MKLN1: variants seen among roughly 807,000 people sequenced by gnomAD.
The protein encoded by MKLN1 is muskelin 1.
Under a neutral mutation model 99.0 loss-of-function variants are expected in MKLN1, and 18 were observed. The observed-to-expected ratio is 0.18, with a 90% confidence interval of 0.13 to 0.27. MKLN1 has a LOEUF of 0.27. Ranked by LOEUF, MKLN1 falls within the 10% of genes least tolerant of loss-of-function variation. The pLI, the probability that MKLN1 is intolerant of heterozygous loss-of-function variation, is 1.00. For missense variants in MKLN1, 621 were observed against 875.9 expected, an observed-to-expected ratio of 0.71 and a Z score of 3.67; for synonymous variants, 288 against 293.2, an observed-to-expected ratio of 0.98 and a Z score of 0.18.
intron 1 of MKLN1, among the ~76,000 whole-genome samples, chr7:131,354,527 A>G (rs1192717320): frequency 6.6e-6 from 1 of 151,166 alleles, no homozygotes; most frequent in Admixed American, 6.6e-5. Context: ...GGGGGGGCGT[A>G]AATCTTGTGG....
At chr7:131,232,726 A>G (rs1797260918) in intron 3 of MKLN1, among the ~76,000 whole-genome samples, 1 of 152,204 alleles carries the variant, frequency 6.6e-6, no homozygotes, top group African/African-American at 2.4e-5. Flanking sequence ...GTTTACCAGC[A>G]AAGATAACTA....
At chr7:131,247,373 G>A (rs912701702) in intron 3 of MKLN1, among the ~76,000 whole-genome samples, 7 of 151,482 alleles carry the variant, frequency 4.6e-5, no homozygotes, top group African/African-American at 7.3e-5. Context: ...GCACCACCAC[G>A]CCCAGCTAAT....
At chr7:131,396,604 A>G (rs1173381762) in intron 4 of MKLN1, among the ~76,000 whole-genome samples, 1 of 152,086 alleles carries the variant, frequency 6.6e-6, no homozygotes, top group Admixed American at 6.6e-5. Flanking sequence ...GAAATTTTTT[A>G]TTGCCTTATA....
At chr7:131,142,255 A>C (rs760380927) in intron 1 of MKLN1, among the ~76,000 whole-genome samples, 1 of 152,098 alleles carries the variant, frequency 6.6e-6, no homozygotes, top group Non-Finnish European at 1.5e-5. Context: ...AAAATACAAG[A>C]AACACATTAG....
At chr7:131,161,104 A>G (rs903187757) in intron 2 of MKLN1, among the ~76,000 whole-genome samples, 2 of 152,118 alleles carry the variant, frequency 1.3e-5, no homozygotes, top group Non-Finnish European at 2.9e-5. Flanking sequence ...ATAAGGAAGT[A>G]CCCCTTAAAG....
intron 12 of MKLN1, among the ~76,000 whole-genome samples, chr7:131,451,174 A>C (rs1395261489): frequency 1.3e-5 from 2 of 152,202 alleles, no homozygotes; most frequent in Non-Finnish European, 1.5e-5. Flanking sequence ...CATTTTTAAA[A>C]TATTCTTAGA....
At chr7:131,243,644 C>T (rs952002123) in intron 3 of MKLN1, among the ~76,000 whole-genome samples, 3 of 152,150 alleles carry the variant, frequency 2.0e-5, no homozygotes, top group South Asian at 2.1e-4. Flanking sequence ...AAGATGACCA[C>T]GGCTAACTGC....
intron 9 of MKLN1, 28 bp downstream of exon 9, chr7:131,429,173 A>G (rs374961180): frequency 1.9e-5 from 29 of 1,489,828 alleles, no homozygotes; most frequent in East Asian, 9.0e-5. Context: ...TCATACATCT[A>G]TATTACAGAA....
At chr7:131,179,434 A>C (rs531320652) in intron 2 of MKLN1, among the ~76,000 whole-genome samples, 1 of 152,316 alleles carries the variant, frequency 6.6e-6, no homozygotes, top group South Asian at 2.1e-4. Context: ...TCATCCATAC[A>C]CTTCTCTAAC....
intron 1 of MKLN1, among the ~76,000 whole-genome samples, chr7:131,360,506 A>G (rs1799998273): frequency 6.6e-6 from 1 of 152,150 alleles, no homozygotes; most frequent in Non-Finnish European, 1.5e-5. Flanking sequence ...ATTTATGTGC[A>G]TCTAAACTAA....
At chr7:131,417,106 G>C (rs1347625242) in intron 8 of MKLN1, among the ~76,000 whole-genome samples, 1 of 151,664 alleles carries the variant, frequency 6.6e-6, no homozygotes, top group Non-Finnish European at 1.5e-5. Flanking sequence ...TTTTACTCCA[G>C]ATGGGACCTT....
chr7:131,151,358 G>A (rs892293513), intron 2 of MKLN1, among the ~76,000 whole-genome samples: 1 of 152,164 alleles, frequency 6.6e-6, no homozygotes, highest in African/African-American at 2.4e-5. Context: ...TCAGCACAAA[G>A]GTGACTTTGG....
intron 3 of MKLN1, among the ~76,000 whole-genome samples, chr7:131,321,715 G>T (rs62468081): frequency 0.072 from 10,895 of 152,170 alleles, 532 homozygotes; most frequent in Middle Eastern, 0.14. Flanking sequence ...CCTTCCAAAT[G>T]ACTCACCAAA....
intron 3 of MKLN1, among the ~76,000 whole-genome samples, chr7:131,308,899 T>C (rs1281325087): frequency 1.3e-5 from 2 of 152,210 alleles, no homozygotes; most frequent in Non-Finnish European, 2.9e-5. Flanking sequence ...TAGTTCCTTA[T>C]AGCAATGTGA....
At chr7:131,234,708 A>G (rs1797290889) in intron 3 of MKLN1, among the ~76,000 whole-genome samples, 1 of 152,170 alleles carries the variant, frequency 6.6e-6, no homozygotes. Flanking sequence ...TTCTGTACTG[A>G]AGAATTTAGC....
rs1798365350 is a variant in MKLN1 at position 131,300,704 on chromosome 7, C to CAA, written c.-178-74720_-178-74719insAA. On this transcript the variant is annotated intron_variant, in intron 3 of 7. Transcript: ENST00000416992. Reference sequence around the variant, plus strand: ...CCCTGTCTCAAAAAAAAAAAAACAACCAAAAAGAAAAAAAAAGAATGTGGA... The same window carrying CAA: ...CCCTGTCTCAAAAAAAAAAAAACAACAACAAAAAGAAAAAAAAAGAATGTGGA... Among the ~76,000 whole-genome samples, 6 of 109,598 alleles carry CAA rather than the reference C, an allele frequency of 5.5e-5. 1 individual carries two copies. The highest frequency in any genetic ancestry group is 1.1e-4 in the Admixed American group (1 of 8,832). 71.9% of individuals were successfully genotyped at this position (109,598 alleles called of 152,430 possible).
At chr7:131,382,809 C>T (rs770244947) in intron 2 of MKLN1, among the ~76,000 whole-genome samples, 2 of 152,054 alleles carry the variant, frequency 1.3e-5, no homozygotes, top group African/African-American at 2.4e-5. Context: ...CTGCAAGCTC[C>T]GCCCCATAGG....
intron 2 of MKLN1, among the ~76,000 whole-genome samples, chr7:131,167,356 A>G (rs1404359744): frequency 1.3e-5 from 2 of 152,140 alleles, no homozygotes; most frequent in Non-Finnish European, 2.9e-5. Flanking sequence ...CTGAAAGTCA[A>G]TTCTAAGAAG....
intron 1 of MKLN1, among the ~76,000 whole-genome samples, chr7:131,125,478 T>C (rs1795439172): frequency 1.3e-5 from 2 of 152,164 alleles, no homozygotes; most frequent in Admixed American, 1.3e-4. Flanking sequence ...AGACTCCCTC[T>C]GGCCAGGAAC....
Sources: gnomAD v4.1 joint callset for allele counts (sites outside exome capture counted in the v4.1 genomes callset) on GRCh38, gnomAD v4.1.1 for gene constraint, MANE v1.5 for transcripts, NCBI Gene and HGNC (gene_info 2026-07-23, HGNC 2026-07-21) for gene names.